SPTBN1: variants seen among roughly 807,000 people sequenced by gnomAD.
SPTBN1 encodes the protein spectrin beta chain, non-erythrocytic 1.
SPTBN1 carries 32 observed loss-of-function variants against 266.4 expected under a neutral mutation model. The ratio of observed to expected loss-of-function variants is 0.12; its 90% CI spans 0.09 to 0.16. The LOEUF is 0.16. Among genes scored for constraint, SPTBN1 ranks in the 10% least tolerant of loss-of-function variants. SPTBN1 has a pLI of 1.00. For synonymous variants in SPTBN1, 1,336 were observed against 1,162.2 expected (o/e 1.15, Z -3.04); for missense variants, 2,296 against 3,067.1 (o/e 0.75, Z 5.94).
intron 26 of SPTBN1, among the ~76,000 whole-genome samples, chr2:54,652,119 C>T (rs1434629496): frequency 1.3e-5 from 2 of 152,134 alleles, no homozygotes; most frequent in African/African-American, 4.8e-5. Context: ...GCAGCTTTAT[C>T]AGTACGTGAT....
At position 54,669,608 on chromosome 2, in the gene SPTBN1, A is replaced by ACCTGTACCTCTCAACTTTTGC. The variant is rs1384057763; in HGVS notation, c.*1043_*1063dup. ...CTCAGGCCTGGTGCTCAGTCGTACG[A>ACCTGTACCTCTCAACTTTTGC]CCTGTACCTCTCAACTTTTGCCCTA... On this transcript the variant is annotated 3_prime_UTR_variant, in exon 36 of 36. Transcript: ENST00000356805. 1 of 152,628 alleles carries ACCTGTACCTCTCAACTTTTGC rather than the reference A, an allele frequency of 6.6e-6. No homozygotes were observed. Among genetic ancestry groups the ACCTGTACCTCTCAACTTTTGC allele is most frequent in the African/African-American group, 2.4e-5 (1 of 41,448 alleles). The allele number at this position is 152,628 out of a possible 1,614,324, so 9.5% of individuals were successfully genotyped here. A position where few individuals can be genotyped will look rare whatever the true frequency, so the allele number is the denominator to read the frequency against.
chr2:54,606,437 T>C (rs1216236846), intron 3 of SPTBN1, among the ~76,000 whole-genome samples: 1 of 152,138 alleles, frequency 6.6e-6, no homozygotes, highest in Non-Finnish European at 1.5e-5. Context: ...GCTGGACCAC[T>C]CACTATCTCA....
At position 54,626,075 on chromosome 2, in the gene SPTBN1, C is replaced by T. The variant is rs1279336756; in HGVS notation, c.1485C>T (p.Asp495=). The change falls in exon 12 of 36, where the codon GAC becomes GAT. Residue 495 remains aspartate (D), a synonymous_variant. Transcript: ENST00000356805. This position sits in a 1 kb window ranked among gnomAD's most constrained non-coding sequence, Gnocchi z 4.7. ...AGCTCGAGGCCGAGAATTACCACGA[C>T]ATCAAGCGCATCACAGCGAGGAAGG... is the stretch of plus-strand genomic sequence containing the variant. ...ARELEAENYH[D]IKRITARKDN... The T allele has an allele frequency of 2.5e-6, 4 of 1,614,180 alleles. No homozygotes were observed. The highest frequency in any genetic ancestry group is 3.4e-6 in the Non-Finnish European group (4 of 1,180,036).
chr2:54,645,861 C>A lies in SPTBN1; in HGVS notation c.4495-67C>A. On this transcript the variant is annotated intron_variant, in intron 21 of 35. Coordinates refer to ENST00000356805, the MANE Select transcript of SPTBN1 (RefSeq NM_003128.3). This position sits in a 1 kb window ranked among gnomAD's most constrained non-coding sequence, Gnocchi z 4.3. ...CCTTGCTGTCCCTCACTGCCCCTCA[C>A]TGCTCGTTTGTGTCGTATATTTGTT... The A allele has an allele frequency of 6.4e-7, 1 of 1,567,686 alleles. No homozygotes were observed.
chr2:54,563,176 CAG>C (rs1673434250), intron 2 of SPTBN1, among the ~76,000 whole-genome samples: 1 of 152,146 alleles, frequency 6.6e-6, no homozygotes, highest in African/African-American at 2.4e-5. Flanking sequence ...GAAAGAATGA[CAG>C]TGTGAAATGC....
intron 3 of SPTBN1, among the ~76,000 whole-genome samples, chr2:54,607,153 G>C (rs537529399): frequency 6.6e-6 from 1 of 152,262 alleles, no homozygotes; most frequent in East Asian, 1.9e-4. Context: ...TGCTATTATG[G>C]TCTGGTTCTG....
At chr2:54,636,596 G>C (rs1021286401) in intron 17 of SPTBN1, among the ~76,000 whole-genome samples, 10 of 152,316 alleles carry the variant, frequency 6.6e-5, no homozygotes, top group African/African-American at 2.4e-4. Context: ...AGCAGCACGT[G>C]TTCACCAAGC....
rs946668843 is a variant in SPTBN1 at position 54,554,388 on chromosome 2, G to T, written c.148+27822G>T. Among the ~76,000 whole-genome samples the T allele has an allele frequency of 3.3e-5, 5 of 152,124 alleles. No homozygotes were observed. Among genetic ancestry groups the T allele is most frequent in the African/African-American group, 9.7e-5 (4 of 41,414 alleles). ...AATGGTGACCATACCTGCCTCACAG[G>T]GTTAGTCACTTGAGAAAATATATGT... is the stretch of plus-strand genomic sequence containing the variant. On this transcript the variant is annotated intron_variant, in intron 2 of 35. Transcript: ENST00000356805. This position sits in a 1 kb window ranked among gnomAD's most constrained non-coding sequence, Gnocchi z 4.5.
At chr2:54,627,613 A>T (rs1678440094) in intron 12 of SPTBN1, among the ~76,000 whole-genome samples, 1 of 152,220 alleles carries the variant, frequency 6.6e-6, no homozygotes, top group African/African-American at 2.4e-5. Flanking sequence ...AAAAACATTC[A>T]CTTACAGGCT....
intron 16 of SPTBN1, among the ~76,000 whole-genome samples, chr2:54,631,900 G>T (rs1678757341): frequency 6.6e-6 from 1 of 151,958 alleles, no homozygotes; most frequent in South Asian, 2.1e-4. Flanking sequence ...CATAATTGAG[G>T]TATTGATCCA....
At chr2:54,598,683 A>G (rs893467363) in intron 2 of SPTBN1, among the ~76,000 whole-genome samples, 3 of 152,140 alleles carry the variant, frequency 2.0e-5, no homozygotes, top group African/African-American at 7.2e-5. Context: ...TTACCAGTCA[A>G]GTATTATGGT....
chr2:54,616,708 T>G (rs1242730676), intron 5 of SPTBN1, among the ~76,000 whole-genome samples: 1 of 152,236 alleles, frequency 6.6e-6, no homozygotes, highest in East Asian at 1.9e-4. Context: ...CTGTGTCAGT[T>G]TCCCTTTTAT....
At chr2:54,498,015 G>A (rs756596298) in intron 1 of SPTBN1, among the ~76,000 whole-genome samples, 1 of 152,168 alleles carries the variant, frequency 6.6e-6, no homozygotes, top group Non-Finnish European at 1.5e-5. Context: ...AGTCCATCAA[G>A]AATCAAGTTC....
At chr2:54,600,142 C>T (rs902507447) in intron 3 of SPTBN1, among the ~76,000 whole-genome samples, 8 of 152,214 alleles carry the variant, frequency 5.3e-5, no homozygotes, top group Non-Finnish European at 8.8e-5. Flanking sequence ...GCTTGCCAGC[C>T]GCAGTAGGCC....
intron 9 of SPTBN1, among the ~76,000 whole-genome samples, chr2:54,622,997 A>G (rs1200145031): frequency 6.6e-6 from 1 of 152,210 alleles, no homozygotes; most frequent in Non-Finnish European, 1.5e-5. Context: ...TTTTTTTCAT[A>G]TCTTTTTTAA....
chr2:54,650,368 G>C (rs573491661), intron 26 of SPTBN1, among the ~76,000 whole-genome samples: 6 of 152,138 alleles, frequency 3.9e-5, no homozygotes, highest in Admixed American at 1.3e-4. Flanking sequence ...TCTGGAAAAA[G>C]AAAAAAACAG....
rs1469939924 is a variant in SPTBN1, at chr2:54,631,057, G to A, written c.3010G>A (p.Asp1004Asn). 1 of 1,614,034 alleles carries A rather than the reference G, an allele frequency of 6.2e-7. No individual in the cohort carries two copies. The highest frequency in any genetic ancestry group is 8.5e-7 in the Non-Finnish European group (1 of 1,179,882). Residue 1004 changes from aspartate to asparagine, a missense_variant, in exon 16 of 36, where the codon GAC becomes AAC. Physicochemically the swap from Asp to Asn is conservative, Grantham distance 23 (BLOSUM62 1). This residue lies in a region of SPTBN1 where 128 missense variants were observed against 176.5 expected (regional missense o/e 0.73). Transcript: ENST00000356805. ...LQRKLTGMER[D>N]LVAIEAKLSD... ...GCGCAAGCTGACCGGCATGGAGCGG[G>A]ACTTGGTGGCCATTGAGGCAAAGCT... is the stretch of plus-strand genomic sequence containing the variant.
At chr2:54,557,518 C>T (rs1672955889) in intron 2 of SPTBN1, among the ~76,000 whole-genome samples, 1 of 152,110 alleles carries the variant, frequency 6.6e-6, no homozygotes, top group African/African-American at 2.4e-5. Context: ...GGAGAAGAAG[C>T]TGGGAAGGAG....
intron 5 of SPTBN1, 27 bp from the exon 6 acceptor site, chr2:54,617,581 T>G: frequency 6.2e-7 from 1 of 1,611,764 alleles, no homozygotes; most frequent in Non-Finnish European, 8.5e-7. Flanking sequence ...ATTGTGTTGC[T>G]TTTCCCTTCT....
Sources: allele counts gnomAD v4.1 joint callset (sites outside exome capture counted in the v4.1 genomes callset), GRCh38; gene constraint gnomAD v4.1.1; regional missense constraint gnomAD v4.1.1; non-coding constraint Gnocchi (gnomAD v3.1); transcripts MANE v1.5; gene names NCBI Gene and HGNC (gene_info 2026-07-23, HGNC 2026-07-21).